The following RFFL variants were observed in gnomAD, a reference collection of about 807,000 sequenced individuals.
The protein encoded by RFFL is E3 ubiquitin-protein ligase rififylin.
RFFL carries 16 observed loss-of-function variants against 40.4 expected under a neutral mutation model. The observed-to-expected ratio is 0.40, with a 90% CI of 0.27 to 0.60. The LOEUF is 0.60. RFFL is among the 20% of genes least tolerant of loss of function. RFFL has a pLI of 0.47. For missense variants in RFFL, 367 were observed against 451.7 expected, an observed-to-expected ratio of 0.81 and a Z score of 1.70; for synonymous variants, 154 against 167.9, an observed-to-expected ratio of 0.92 and a Z score of 0.64.
At position 35,007,267 on chromosome 17, in the gene RFFL, T is replaced by G. The variant is rs2090901923; in HGVS notation, c.*4701A>C. On this transcript the variant is annotated 3_prime_UTR_variant, in exon 7 of 7. Transcript: ENST00000394597. Reference sequence around the variant, plus strand: ...TCATCTTGTCCCTTCTCTGCCTTAGTGTGTGTTATTGCCATTTCAATGTCA... The same window carrying G: ...TCATCTTGTCCCTTCTCTGCCTTAGGGTGTGTTATTGCCATTTCAATGTCA... 1 of 152,292 alleles carries G rather than the reference T, an allele frequency of 6.6e-6. No individual in the cohort carries two copies. Among genetic ancestry groups the G allele is most frequent in the African/African-American group, 2.4e-5 (1 of 41,462 alleles). The allele number at this position is 152,292 out of a possible 1,614,324, so 9.4% of individuals were successfully genotyped here. A position where few individuals can be genotyped will look rare whatever the true frequency, so the allele number is the denominator to read the frequency against.
At chr17:35,019,944 AGG>A (rs1197687910) in intron 3 of RFFL, among the ~76,000 whole-genome samples, 5 of 152,346 alleles carry the variant, frequency 3.3e-5, no homozygotes, top group Admixed American at 6.5e-5. Flanking sequence ...GAGCTGAATC[AGG>A]GGGCCCAGTC....
At chr17:35,054,893 G>C (rs1597833202) in intron 1 of RFFL, among the ~76,000 whole-genome samples, 1 of 151,766 alleles carries the variant, frequency 6.6e-6, no homozygotes, top group African/African-American at 2.4e-5. Context: ...GCTTAGAGTA[G>C]GTGCTTAGTA....
chr17:35,076,534 C>T (rs965238249), intron 1 of RFFL, among the ~76,000 whole-genome samples: 10 of 151,514 alleles, frequency 6.6e-5, no homozygotes, highest in Non-Finnish European at 1.5e-4. Context: ...CAAAATTAGC[C>T]GGGTGTGGTG....
chr17:35,044,281 T>C (rs949230556), intron 1 of RFFL, among the ~76,000 whole-genome samples: 9 of 152,184 alleles, frequency 5.9e-5, no homozygotes, highest in African/African-American at 1.9e-4. Flanking sequence ...AGGGTCTATG[T>C]TACCCAGACT....
chr17:35,040,918 C>T (rs1306182472), intron 1 of RFFL, among the ~76,000 whole-genome samples: 1 of 140,148 alleles, frequency 7.1e-6, no homozygotes, highest in African/African-American at 2.7e-5. Context: ...TAGGGTCTCT[C>T]TCCAAGCTGG....
At position 35,035,406 on chromosome 17, in the gene RFFL, C is replaced by T. The variant is rs539906915; in HGVS notation, c.-8-8845G>A. 6.3e-5 allele frequency among the ~76,000 whole-genome samples: 9 copies of T among 143,674 alleles called. No homozygotes were observed. The South Asian group carries it at 2.0e-3, about 31-fold the overall frequency. 94.3% of individuals were successfully genotyped at this position (143,674 alleles called of 152,430 possible). On this transcript the variant is annotated intron_variant, in intron 1 of 6. Coordinates refer to ENST00000394597, the MANE Select transcript of RFFL (RefSeq NM_001017368.2). ...CCTGGGCAACAGAGCGAGACTCCAT[C>T]TCAAAAAAAAAAAAAAAATTGCCAT... is the stretch of plus-strand genomic sequence containing the variant.
chr17:35,019,422 C>T (rs1003530928), intron 3 of RFFL, among the ~76,000 whole-genome samples: 3 of 152,078 alleles, frequency 2.0e-5, no homozygotes, highest in Admixed American at 1.3e-4. Context: ...CTCTGTTGCC[C>T]AGGCTGGAGT....
chr17:35,059,315 G>A (rs1045337020), intron 1 of RFFL, among the ~76,000 whole-genome samples: 10 of 152,018 alleles, frequency 6.6e-5, no homozygotes, highest in Admixed American at 3.3e-4. Flanking sequence ...CACTGCGCTC[G>A]GCCACTCGAT....
At chr17:35,046,472 G>C (rs572614672) in intron 1 of RFFL, among the ~76,000 whole-genome samples, 147 of 152,252 alleles carry the variant, frequency 9.7e-4, no homozygotes, top group African/African-American at 3.5e-3. Context: ...GACTTGCACA[G>C]CCCAAGCAAG....
intron 2 of RFFL, among the ~76,000 whole-genome samples, chr17:35,026,036 T>C (rs1299602560): frequency 6.6e-6 from 1 of 152,232 alleles, no homozygotes; most frequent in African/African-American, 2.4e-5. Context: ...ATGGCTTTCT[T>C]GTCTCACTTT....
intron 1 of RFFL, chr17:35,077,101 T>A (rs2091381083): frequency 6.6e-6 from 1 of 151,698 alleles, no homozygotes; most frequent in Non-Finnish European, 1.4e-5. Flanking sequence ...TAAATATATA[T>A]AAATTATTTA....
intron 1 of RFFL, among the ~76,000 whole-genome samples, chr17:35,055,436 G>A (rs2091254811): frequency 6.6e-6 from 1 of 152,022 alleles, no homozygotes; most frequent in Admixed American, 6.5e-5. Flanking sequence ...ACTTTGGGAG[G>A]CCAAGGTGGG....
intron 1 of RFFL, among the ~76,000 whole-genome samples, chr17:35,039,579 A>T (rs1462132961): frequency 1.3e-5 from 2 of 152,184 alleles, no homozygotes; most frequent in East Asian, 3.9e-4. Flanking sequence ...TAACAAAAAA[A>T]TAAAAAATAA....
At chr17:35,028,512 C>G (rs1353598177) in intron 1 of RFFL, among the ~76,000 whole-genome samples, 1 of 152,048 alleles carries the variant, frequency 6.6e-6, no homozygotes, top group Non-Finnish European at 1.5e-5. Context: ...AAATGCCAAG[C>G]ATTGATGTGA....
chr17:35,083,876 C>A (rs566593584), intron 1 of RFFL, among the ~76,000 whole-genome samples: 7 of 151,976 alleles, frequency 4.6e-5, no homozygotes, highest in African/African-American at 7.2e-5. Context: ...ATGCCCCCCC[C>A]ACCCTGAAAA....
chr17:35,014,672 G>T, intron 6 of RFFL, 68 bp downstream of exon 6: 1 of 1,376,462 alleles, frequency 7.3e-7, no homozygotes, highest in Non-Finnish European at 1.0e-6. Context: ...TTACTAAAGG[G>T]ATTGGGGTTG....
chr17:35,064,834 T>C (rs1332886273), upstream of RFFL, among the ~76,000 whole-genome samples: 4 of 152,108 alleles, frequency 2.6e-5, no homozygotes, highest in East Asian at 7.7e-4. Context: ...AGAATTTGAG[T>C]TTAAAAACTA....
At chr17:35,016,622 T>TCC (rs1298083797) in intron 4 of RFFL, 42 bp from the exon 5 acceptor site, 1 of 1,518,370 alleles carries the variant, frequency 6.6e-7, no homozygotes, top group Non-Finnish European at 9.1e-7. Flanking sequence ...AGCTCTTACC[T>TCC]CCCCAAGCTC....
At chr17:35,051,507 T>C (rs2091231590) in intron 1 of RFFL, among the ~76,000 whole-genome samples, 1 of 152,180 alleles carries the variant, frequency 6.6e-6, no homozygotes, top group African/African-American at 2.4e-5. Flanking sequence ...AGTACATTAT[T>C]ATATGAGTCA....
Sources: gnomAD v4.1 joint callset for allele counts (sites outside exome capture counted in the v4.1 genomes callset) on GRCh38, gnomAD v4.1.1 for gene constraint, MANE v1.5 for transcripts, NCBI Gene and HGNC (gene_info 2026-07-23, HGNC 2026-07-21) for gene names.